The following TMEM131L variants were observed in gnomAD, a reference collection of about 807,000 sequenced individuals.
TMEM131L encodes the protein transmembrane 131 like.
A neutral mutation model predicts 192.2 loss-of-function variants in TMEM131L; 54 were observed. That is an observed-to-expected ratio of 0.28 (90% confidence interval 0.23 to 0.35). The LOEUF is 0.35. Ranked by LOEUF, TMEM131L falls within the 10% of genes least tolerant of loss-of-function variation. TMEM131L has a pLI of 1.00. For synonymous variants in TMEM131L, 701 were observed against 704.9 expected (o/e 0.99, Z 0.09); for missense variants, 1,888 against 1,972.9 (o/e 0.96, Z 0.82).
At chr4:153,490,203 G>C (rs996317493) in intron 3 of TMEM131L, among the ~76,000 whole-genome samples, 1 of 152,162 alleles carries the variant, frequency 6.6e-6, no homozygotes, top group South Asian at 2.1e-4. Flanking sequence ...ACTTTCAGGT[G>C]GATAAATGTC....
chr4:153,482,534 C>T (rs986059023), intron 3 of TMEM131L, among the ~76,000 whole-genome samples: 2 of 152,070 alleles, frequency 1.3e-5, no homozygotes, highest in South Asian at 4.1e-4. Context: ...AAAAATAGTA[C>T]AGTAAGATCA....
chr4:153,585,228 C>T (rs975657668), intron 12 of TMEM131L, among the ~76,000 whole-genome samples: 2 of 152,222 alleles, frequency 1.3e-5, no homozygotes. Context: ...TTGGTCCTGG[C>T]GGCCTCTGTG....
chr4:153,608,336 C>G (rs7693128), intron 25 of TMEM131L, among the ~76,000 whole-genome samples: 1 of 152,098 alleles, frequency 6.6e-6, no homozygotes, highest in African/African-American at 2.4e-5. Flanking sequence ...GTCAAACATT[C>G]GTTATACGTT....
chr4:153,483,426 G>A (rs919481292), intron 3 of TMEM131L, among the ~76,000 whole-genome samples: 1 of 149,096 alleles, frequency 6.7e-6, no homozygotes, highest in East Asian at 1.9e-4. Flanking sequence ...AGGAGGCTGG[G>A]TGTGGTGGCT....
chr4:153,591,315 A>T (rs1273984868), intron 17 of TMEM131L, 121 bp downstream of exon 17: 4 of 889,832 alleles, frequency 4.5e-6, no homozygotes, highest in Non-Finnish European at 6.5e-6. Context: ...GCGATGTCAA[A>T]AGAACTAGAT....
intron 7 of TMEM131L, among the ~76,000 whole-genome samples, chr4:153,562,471 G>A (rs537364844): frequency 4.1e-4 from 62 of 152,308 alleles, no homozygotes; most frequent in African/African-American, 1.4e-3. Context: ...CATACATTAT[G>A]TGAGTTATTT....
At chr4:153,612,619 A>C (rs1732711153) in intron 26 of TMEM131L, among the ~76,000 whole-genome samples, 1 of 152,164 alleles carries the variant, frequency 6.6e-6, no homozygotes, top group Admixed American at 6.5e-5. Flanking sequence ...CTCTGAAGAG[A>C]ATCTGTTCTT....
At chr4:153,580,293 A>G (rs1390978929) in intron 7 of TMEM131L, among the ~76,000 whole-genome samples, 2 of 152,146 alleles carry the variant, frequency 1.3e-5, no homozygotes, top group African/African-American at 4.8e-5. Flanking sequence ...TCTTTCATCC[A>G]TAACTCTTCC....
At chr4:153,518,464 A>T (rs1252580994) in intron 3 of TMEM131L, among the ~76,000 whole-genome samples, 1 of 152,212 alleles carries the variant, frequency 6.6e-6, no homozygotes, top group East Asian at 1.9e-4. Flanking sequence ...TACTTGAGAA[A>T]CTGTTAATGG....
chr4:153,476,909 G>A lies in TMEM131L; in HGVS notation c.239+3021G>A, dbSNP rs887731141. ...ATTGTGAGTTTTATTAAAAATGCCA[G>A]TACGTACAGTGTGGCAGAGATTACA... On this transcript the variant is annotated intron_variant, in intron 3 of 34. Coordinates refer to ENST00000409959, the MANE Select transcript of TMEM131L (RefSeq NM_001131007.2). 4.6e-5 allele frequency among the ~76,000 whole-genome samples: 7 copies of A among 152,162 alleles called. 1 individual carries two copies. Among genetic ancestry groups the A allele is most frequent in the African/African-American group, 1.7e-4 (7 of 41,446 alleles).
In TMEM131L at chr4:153,636,698, A is replaced by T. The variant is rs145174458; in HGVS notation, c.*122A>T. On this transcript the variant is annotated 3_prime_UTR_variant, in exon 35 of 35. Transcript: ENST00000409959. ...TTTTGGCACTTTTATATGAAAATAAATTTTTTAATGAAATCTGGGTGCTCT... is the reference window on the plus strand; with the variant it reads ...TTTTGGCACTTTTATATGAAAATAATTTTTTTAATGAAATCTGGGTGCTCT... 57 of 959,282 alleles carry T rather than the reference A, an allele frequency of 5.9e-5. No individual in the cohort carries two copies. In the African/African-American group the frequency reaches 7.5e-4, roughly 13 times the overall value. The allele number at this position is 959,282 out of a possible 1,614,324, so 59.4% of individuals were successfully genotyped here.
At chr4:153,578,147 G>A (rs1730086147) in intron 7 of TMEM131L, among the ~76,000 whole-genome samples, 1 of 152,172 alleles carries the variant, frequency 6.6e-6, no homozygotes, top group Admixed American at 6.5e-5. Flanking sequence ...AACAAAAGGA[G>A]AAGTTTCTGT....
At chr4:153,531,130 G>A (rs1251808112) in intron 3 of TMEM131L, among the ~76,000 whole-genome samples, 2 of 152,194 alleles carry the variant, frequency 1.3e-5, no homozygotes, top group South Asian at 4.1e-4. Flanking sequence ...GTTCCCAAAT[G>A]CATGTACTCA....
Position 153,592,471 on chromosome 4 carries a change from C to G in TMEM131L, c.1813-4C>G, listed in dbSNP as rs959266390. On this transcript the variant is annotated splice_region_variant and splice_polypyrimidine_tract_variant and intron_variant, in intron 17 of 34. Coordinates refer to ENST00000409959, the MANE Select transcript of TMEM131L (RefSeq NM_001131007.2). The stretch of plus-strand genomic sequence containing the variant: ...GGTTTTAACTTTTCTTTCCTCACAC[C>G]TAGATCAAGTACTTTGTGGTGCAGA... 1.2e-6 allele frequency: 2 copies of G among 1,609,320 alleles called. No individual in the cohort carries two copies. Among genetic ancestry groups the G allele is most frequent in the Non-Finnish European group, 8.5e-7 (1 of 1,175,860 alleles).
At chr4:153,628,702 G>A (rs1443915242) in intron 31 of TMEM131L, among the ~76,000 whole-genome samples, 3 of 152,152 alleles carry the variant, frequency 2.0e-5, no homozygotes, top group South Asian at 2.1e-4. Context: ...ATGTGGGGGC[G>A]GTTTAGATGG....
chr4:153,545,403 T>C (rs1272768187), intron 3 of TMEM131L, among the ~76,000 whole-genome samples: 1 of 151,462 alleles, frequency 6.6e-6, no homozygotes, highest in Non-Finnish European at 1.5e-5. Flanking sequence ...TTCTCCTGCC[T>C]CAGCCTCCTG....
chr4:153,619,334 A>C (rs931494919), intron 26 of TMEM131L, among the ~76,000 whole-genome samples: 4 of 152,234 alleles, frequency 2.6e-5, no homozygotes, highest in African/African-American at 9.6e-5. Flanking sequence ...ACAAAGGAAC[A>C]ATACATGAAG....
At chr4:153,481,037 C>T (rs895040635) in intron 3 of TMEM131L, among the ~76,000 whole-genome samples, 9 of 152,280 alleles carry the variant, frequency 5.9e-5, no homozygotes, top group South Asian at 2.1e-4. Flanking sequence ...ACCTTGGGGA[C>T]GAAGTGCAGG....
chr4:153,549,086 T>C (rs1737412064), intron 3 of TMEM131L, among the ~76,000 whole-genome samples: 1 of 152,190 alleles, frequency 6.6e-6, no homozygotes, highest in Admixed American at 6.5e-5. Context: ...TGCCTCAGCC[T>C]CCAGAGTAGC....
Sources: allele counts gnomAD v4.1 joint callset (sites outside exome capture counted in the v4.1 genomes callset), GRCh38; gene constraint gnomAD v4.1.1; transcripts MANE v1.5; gene names NCBI Gene and HGNC (gene_info 2026-07-23, HGNC 2026-07-21).